The following GRIK1 variants were observed in gnomAD, a reference collection of about 807,000 sequenced individuals.
GRIK1 encodes glutamate receptor ionotropic, kainate 1.
In GRIK1, 69 loss-of-function variants were observed where a neutral mutation model predicts 105.7. The ratio of observed to expected loss-of-function variants is 0.65; its 90% confidence interval spans 0.54 to 0.80. The LOEUF (loss-of-function observed/expected upper bound fraction) is 0.80, where lower values mean the gene tolerates loss of function less well. GRIK1 is among the 30% of genes least tolerant of loss of function. The pLI is 0.00. For missense variants in GRIK1, 1,109 were observed against 1,167.3 expected (o/e 0.95, Z 0.73); for synonymous variants, 438 against 431.3 (o/e 1.02, Z -0.19).
At chr21:29,784,591 C>T (rs1430980453) in intron 1 of GRIK1, among the ~76,000 whole-genome samples, 1 of 152,040 alleles carries the variant, frequency 6.6e-6, no homozygotes, top group South Asian at 2.1e-4. Context: ...CTCTGAGACA[C>T]TTCTATTTAA....
chr21:29,875,688 A>C lies in GRIK1; in HGVS notation c.118+63695T>G, dbSNP rs144009487. On this transcript the variant is annotated intron_variant, in intron 1 of 17. Coordinates refer to ENST00000327783, the MANE Select transcript of GRIK1 (RefSeq NM_001330994.2). ...ACCATACTGAGCCCTTCATATGTTTATTTTAGTTTAATCTGCTTACAACCT... is the reference window on the plus strand; with the variant it reads ...ACCATACTGAGCCCTTCATATGTTTCTTTTAGTTTAATCTGCTTACAACCT... Among the ~76,000 whole-genome samples the C allele has an allele frequency of 7.3e-3, 1,111 of 152,206 alleles. 14 individuals carry two copies. Among genetic ancestry groups the C allele is most frequent in the African/African-American group, 0.024 (1,008 of 41,510 alleles).
At position 29,615,598 on chromosome 21, in the gene GRIK1, G is replaced by A. The variant is rs142204377; in HGVS notation, c.1099-16661C>T. Among the ~76,000 whole-genome samples, 581 of 152,204 alleles carry A rather than the reference G, an allele frequency of 3.8e-3. 2 individuals are homozygous for A. The highest frequency in any genetic ancestry group is 0.013 in the African/African-American group (559 of 41,524). On this transcript the variant is annotated intron_variant, in intron 7 of 17. Transcript: ENST00000327783. ...TGCTGGGATTACAGGCATGAGCCAC[G>A]GCGCCTGGCCCCACTATTCCTTTTA...
At chr21:29,871,790 G>T (rs1601907763) in intron 1 of GRIK1, among the ~76,000 whole-genome samples, 1 of 142,994 alleles carries the variant, frequency 7.0e-6, no homozygotes, top group Non-Finnish European at 1.5e-5. Context: ...TTGAGACAGG[G>T]TCTTGCTCAG....
At chr21:29,723,550 C>T (rs2064378063) in intron 1 of GRIK1, among the ~76,000 whole-genome samples, 1 of 152,160 alleles carries the variant, frequency 6.6e-6, no homozygotes, top group Non-Finnish European at 1.5e-5. Context: ...TCAGGATTTC[C>T]AAGTGAAGAA....
At chr21:29,674,816 T>C (rs2063234716) in intron 3 of GRIK1, among the ~76,000 whole-genome samples, 1 of 152,220 alleles carries the variant, frequency 6.6e-6, no homozygotes, top group Non-Finnish European at 1.5e-5. Flanking sequence ...TAGTTCCTTA[T>C]AGCTGTGTGA....
intron 1 of GRIK1, among the ~76,000 whole-genome samples, chr21:29,847,512 T>C (rs2068159439): frequency 6.6e-6 from 1 of 152,178 alleles, no homozygotes; most frequent in South Asian, 2.1e-4. Flanking sequence ...GAGAATCCCT[T>C]GAACCTGGGA....
At chr21:29,774,157 G>T (rs971457875) in intron 1 of GRIK1, among the ~76,000 whole-genome samples, 1 of 152,060 alleles carries the variant, frequency 6.6e-6, no homozygotes, top group East Asian at 1.9e-4. Flanking sequence ...TCCTTGCAGA[G>T]AATTATAATA....
chr21:29,583,013 AT>A (rs2146263332), intron 12 of GRIK1, among the ~76,000 whole-genome samples: 1 of 152,092 alleles, frequency 6.6e-6, no homozygotes, highest in East Asian at 1.9e-4. Flanking sequence ...ATGAAAAACC[AT>A]TTTCTAAACC....
At chr21:29,895,411 T>C (rs1297092323) in intron 1 of GRIK1, among the ~76,000 whole-genome samples, 2 of 152,180 alleles carry the variant, frequency 1.3e-5, no homozygotes, top group Non-Finnish European at 2.9e-5. Context: ...TCCCCCTTTG[T>C]AATGCCTTTT....
intron 7 of GRIK1, among the ~76,000 whole-genome samples, chr21:29,638,552 A>C (rs2062445197): frequency 6.6e-6 from 1 of 152,220 alleles, no homozygotes; most frequent in Admixed American, 6.5e-5. Context: ...CAGAAACAAA[A>C]GGCTACTTTG....
At chr21:29,690,064 A>T in intron 2 of GRIK1, 79 bp from the exon 3 acceptor site, 2 of 1,156,796 alleles carry the variant, frequency 1.7e-6, no homozygotes, top group Non-Finnish European at 2.5e-6. Context: ...TATGAATTTA[A>T]TTTTTTCTTT....
intron 7 of GRIK1, among the ~76,000 whole-genome samples, chr21:29,620,802 T>TATATAGATATATATATATAG (rs1276169939): frequency 1.6e-5 from 2 of 127,426 alleles, no homozygotes; most frequent in African/African-American, 6.7e-5. Flanking sequence ...TCTATATATA[T>TATATAGATATATATATATAG]ATAGATATAT....
intron 1 of GRIK1, among the ~76,000 whole-genome samples, chr21:29,916,249 G>A (rs906306941): frequency 4.0e-5 from 6 of 151,818 alleles, no homozygotes; most frequent in African/African-American, 1.5e-4. Context: ...ATATTATAAT[G>A]TTGTAAGAAT....
chr21:29,856,258 A>G (rs77058610), intron 1 of GRIK1, among the ~76,000 whole-genome samples: 4,027 of 152,294 alleles, frequency 0.026, 90 homozygotes, highest in South Asian at 0.075. Context: ...AAGATGAACC[A>G]GCAGAGGAGA....
intron 1 of GRIK1, among the ~76,000 whole-genome samples, chr21:29,807,017 A>G (rs571976774): frequency 1.3e-5 from 2 of 152,258 alleles, no homozygotes; most frequent in African/African-American, 4.8e-5. Context: ...TCCCTTTTCC[A>G]TACGACTTGA....
At chr21:29,881,734 G>C (rs1483696518) in intron 1 of GRIK1, among the ~76,000 whole-genome samples, 2 of 152,100 alleles carry the variant, frequency 1.3e-5, no homozygotes, top group African/African-American at 4.8e-5. Context: ...CCTTTGGCTA[G>C]AGTGGGAACT....
At chr21:29,604,734 A>G (rs1297140089) in intron 7 of GRIK1, among the ~76,000 whole-genome samples, 1 of 152,202 alleles carries the variant, frequency 6.6e-6, no homozygotes, top group Admixed American at 6.6e-5. Flanking sequence ...TCTACCCTGC[A>G]TCAGATCTTC....
chr21:29,708,084 C>T (rs2063960899), intron 1 of GRIK1, among the ~76,000 whole-genome samples: 1 of 152,180 alleles, frequency 6.6e-6, no homozygotes, highest in Non-Finnish European at 1.5e-5. Context: ...GAAGTGAAGG[C>T]TGAGCAATTT....
At chr21:29,728,941 G>A (rs2064539850) in intron 1 of GRIK1, among the ~76,000 whole-genome samples, 1 of 152,154 alleles carries the variant, frequency 6.6e-6, no homozygotes. Context: ...TGATTAGCAT[G>A]ATGTGAAAGA....
Sources: allele counts gnomAD v4.1 joint callset (sites outside exome capture counted in the v4.1 genomes callset), GRCh38; gene constraint gnomAD v4.1.1; transcripts MANE v1.5; gene names NCBI Gene and HGNC (gene_info 2026-07-23, HGNC 2026-07-21).